NFS1: variants seen among roughly 807,000 people sequenced by gnomAD.
NFS1 encodes the protein NFS1 cysteine desulfurase, also known as cysteine desulfurase.
A neutral mutation model predicts 57.3 loss-of-function variants in NFS1; 26 were observed. That is an observed-to-expected ratio of 0.45 (90% CI 0.33 to 0.63). The LOEUF (loss-of-function observed/expected upper bound fraction) is 0.63, where lower values mean the gene tolerates loss of function less well. NFS1 is among the 20% of genes least tolerant of loss of function. NFS1 has a pLI of 0.02. For missense variants in NFS1, 505 were observed against 605.8 expected (o/e 0.83, Z 1.75); for synonymous variants, 209 against 216.3 (o/e 0.97, Z 0.30).
intron 5 of NFS1, among the ~76,000 whole-genome samples, chr20:35,683,611 T>C (rs2034887551): frequency 6.6e-6 from 1 of 150,382 alleles, no homozygotes. Flanking sequence ...AAACCTTGTC[T>C]CTACTAAAAA....
intron 11 of NFS1, 105 bp from the exon 12 acceptor site, chr20:35,672,949 A>G: frequency 1.5e-6 from 1 of 685,546 alleles, no homozygotes; most frequent in Non-Finnish European, 2.5e-6. Flanking sequence ...AGATATGGAG[A>G]GAAGAACATG....
chr20:35,696,116 AC>A (rs2035129682), intron 4 of NFS1, among the ~76,000 whole-genome samples: 1 of 152,276 alleles, frequency 6.6e-6, no homozygotes. Flanking sequence ...CAAAAAAAAA[AC>A]AAGTGGTTAA....
chr20:35,686,312 T>G (rs982341234), intron 5 of NFS1, among the ~76,000 whole-genome samples: 1 of 141,016 alleles, frequency 7.1e-6, no homozygotes, highest in Admixed American at 7.6e-5. Flanking sequence ...AGCATGCCAT[T>G]GCACTCCAGC....
intron 4 of NFS1, chr20:35,692,220 A>G (rs1004003633): frequency 4.1e-5 from 11 of 268,446 alleles, no homozygotes; most frequent in Non-Finnish European, 7.9e-5. Flanking sequence ...ATAAAAATAC[A>G]AAAATTAGCG....
chr20:35,671,380 C>T (rs1278770431), intron 12 of NFS1, among the ~76,000 whole-genome samples: 2 of 152,050 alleles, frequency 1.3e-5, no homozygotes, highest in African/African-American at 4.8e-5. Flanking sequence ...GGATTACAGG[C>T]GTGAGCCACC....
rs1275116664 is a variant in NFS1 at position 35,668,158 on chromosome 20, A to G, written c.*1464T>C. 2 of 152,242 alleles carry G rather than the reference A, an allele frequency of 1.3e-5. No homozygotes were observed. Among genetic ancestry groups the G allele is most frequent in the South Asian group, 2.1e-4 (1 of 4,836 alleles). The allele number at this position is 152,242 out of a possible 1,614,324, so 9.4% of individuals were successfully genotyped here. A position where few individuals can be genotyped will look rare whatever the true frequency, so the allele number is the denominator to read the frequency against. On this transcript the variant is annotated 3_prime_UTR_variant, in exon 13 of 13. Transcript: ENST00000374092. ...TCTAAAATTATTCTAAGTAAAAAAG[A>G]TATTTTTCAACAAGAAAAATTCTAT...
intron 4 of NFS1, chr20:35,692,266 C>A: frequency 3.8e-6 from 1 of 266,096 alleles, no homozygotes; most frequent in South Asian, 3.4e-5. Flanking sequence ...CCCGGCTACT[C>A]AGGAGGATGA....
intron 7 of NFS1, among the ~76,000 whole-genome samples, chr20:35,679,980 A>T (rs1340802319): frequency 6.6e-6 from 1 of 152,202 alleles, no homozygotes; most frequent in Non-Finnish European, 1.5e-5. Flanking sequence ...AGAGACTAAC[A>T]GGATAACAGA....
rs2035025173 is a variant in NFS1, at chr20:35,690,557, G to A, written c.417C>T (p.Ala139=). ...ESNNIAIKGV[A]RFYRSRKKHL... is the part of the protein sequence containing the mutation. Reference sequence around the variant, plus strand: ...GCTTTTTCCGTGACCTGTAGAATCGGGCCACCCCCTAGAAATTGGTGGTGA... The same window carrying A: ...GCTTTTTCCGTGACCTGTAGAATCGAGCCACCCCCTAGAAATTGGTGGTGA... The change falls in exon 5 of 13, where the codon GCC becomes GCT. Residue 139 remains alanine, a synonymous_variant. Coordinates refer to ENST00000374092, the MANE Select transcript of NFS1 (RefSeq NM_021100.5). 1.9e-6 allele frequency: 3 copies of A among 1,613,772 alleles called. No homozygotes were observed. Among genetic ancestry groups the A allele is most frequent in the Non-Finnish European group, 2.5e-6 (3 of 1,179,892 alleles).
At chr20:35,677,800 G>A (rs904781588) in intron 7 of NFS1, among the ~76,000 whole-genome samples, 3 of 152,198 alleles carry the variant, frequency 2.0e-5, no homozygotes, top group African/African-American at 7.2e-5. Flanking sequence ...TGGGTGCAGT[G>A]GGTCATGCCT....
At position 35,674,547 on chromosome 20, in the gene NFS1, A is replaced by G; in HGVS notation, c.1019T>C (p.Val340Ala). ...IQNIMKSLPD[V>A]VMNGDPKHHY... The stretch of plus-strand genomic sequence containing the variant: ...GTGCTTAGGGTCCCCATTCATCACC[A>G]CATCTGGAAGGCTCTTCATTATATT... Residue 340 changes from valine (V) to alanine (A), a missense_variant, in exon 9 of 13, where the codon GTG (valine) becomes GCG (alanine). Transcript: ENST00000374092. The G allele has an allele frequency of 6.2e-7, 1 of 1,614,196 alleles. No homozygotes were observed. Among genetic ancestry groups the G allele is most frequent in the Non-Finnish European group, 8.5e-7 (1 of 1,180,002 alleles).
rs182250871 is a variant in NFS1, at chr20:35,690,701, A to G, written c.409-136T>C. On this transcript the variant is annotated intron_variant, in intron 4 of 12. Transcript: ENST00000374092. Reference sequence around the variant, plus strand: ...TTCTCTCATACCAACTGAGTATCCTATAATTCAATTCTGAGGCTAACTCTC... The same window carrying G: ...TTCTCTCATACCAACTGAGTATCCTGTAATTCAATTCTGAGGCTAACTCTC... 2.3e-4 allele frequency: 194 copies of G among 840,816 alleles called. No individual in the cohort carries two copies. In the East Asian group the frequency reaches 3.7e-3, roughly 16 times the overall value. The allele number at this position is 840,816 out of a possible 1,614,324, so 52.1% of individuals were successfully genotyped here. A position where few individuals can be genotyped will look rare whatever the true frequency, so the allele number is the denominator to read the frequency against.
At chr20:35,681,232 TAA>T (rs55745216) in intron 6 of NFS1, among the ~76,000 whole-genome samples, 38,851 of 141,824 alleles carry the variant, frequency 0.27, 5,735 homozygotes, top group African/African-American at 0.44. Flanking sequence ...CAAAACAAAA[TAA>T]AAAAAAAAAA....
At chr20:35,696,964 G>C (rs1214208776) in intron 3 of NFS1, among the ~76,000 whole-genome samples, 1 of 152,194 alleles carries the variant, frequency 6.6e-6, no homozygotes, top group Admixed American at 6.5e-5. Context: ...AATTTACCCG[G>C]GTGTGGTGGC....
intron 5 of NFS1, among the ~76,000 whole-genome samples, chr20:35,687,104 C>T (rs532279796): frequency 1.3e-5 from 2 of 152,252 alleles, no homozygotes; most frequent in Non-Finnish European, 2.9e-5. Context: ...CTAGCGGTAG[C>T]GTCAGTGTCA....
intron 4 of NFS1, among the ~76,000 whole-genome samples, chr20:35,693,024 A>G (rs2035071504): frequency 6.6e-6 from 1 of 152,118 alleles, no homozygotes; most frequent in East Asian, 1.9e-4. Context: ...AAGAATTAAC[A>G]GTATCAACTT....
rs563349356 is a variant in NFS1 at position 35,669,381 on chromosome 20, C to G, written c.*241G>C. 6 of 438,908 alleles carry G rather than the reference C, an allele frequency of 1.4e-5. No individual in the cohort carries two copies. The East Asian group carries it at 2.2e-4, about 16-fold the overall frequency. The allele number at this position is 438,908 out of a possible 1,614,324, so 27.2% of individuals were successfully genotyped here. ...ATGACAGCAAATGTCTCTATGGCTT[C>G]GGGATGAAAATGTCCACACACTTTA... is the stretch of plus-strand genomic sequence containing the variant. On this transcript the variant is annotated 3_prime_UTR_variant, in exon 13 of 13. Coordinates refer to ENST00000374092, the MANE Select transcript of NFS1 (RefSeq NM_021100.5).
intron 7 of NFS1, among the ~76,000 whole-genome samples, chr20:35,676,785 A>C (rs946096129): frequency 1.1e-4 from 12 of 113,038 alleles, no homozygotes; most frequent in Non-Finnish European, 1.8e-4. Context: ...AAAAAAAAAA[A>C]CCAAGAAAGA....
In NFS1 at chr20:35,674,412, A is replaced by G. The variant is rs1167803155; in HGVS notation, c.1074T>C (p.Phe358=). 4 of 1,614,024 alleles carry G rather than the reference A, an allele frequency of 2.5e-6. No homozygotes were observed. The highest frequency in any genetic ancestry group is 3.4e-6 in the Non-Finnish European group (4 of 1,180,028). The part of the protein sequence containing the change: ...HHYPGCINLS[F]AYVEGESLLM... ...GCAGACTTTCCCCTTCCACATATGCAAAGGAGAGGTTGATACAGCCTGGAG... is the reference window on the plus strand; with the variant it reads ...GCAGACTTTCCCCTTCCACATATGCGAAGGAGAGGTTGATACAGCCTGGAG... Residue 358 remains phenylalanine, a synonymous_variant, in exon 10 of 13, where the codon TTT becomes TTC. Transcript: ENST00000374092.
Sources: gnomAD v4.1 joint callset for allele counts (sites outside exome capture counted in the v4.1 genomes callset) on GRCh38, gnomAD v4.1.1 for gene constraint, MANE v1.5 for transcripts, NCBI Gene and HGNC (gene_info 2026-07-23, HGNC 2026-07-21) for gene names.